WDR11: variants seen among roughly 807,000 people sequenced by gnomAD.
WDR11 encodes WD repeat-containing protein 11.
Under a neutral mutation model 151.2 loss-of-function variants are expected in WDR11, and 83 were observed. That is an observed-to-expected ratio of 0.55 (90% CI 0.46 to 0.66). The LOEUF (loss-of-function observed/expected upper bound fraction) is 0.66. Ranked by LOEUF, WDR11 falls within the 30% of genes least tolerant of loss-of-function variation. The pLI is 0.00. For missense variants in WDR11, 1,301 were observed against 1,480.9 expected, an observed-to-expected ratio of 0.88 and a Z score of 1.99; for synonymous variants, 484 against 533.1, an observed-to-expected ratio of 0.91 and a Z score of 1.27.
At chr10:120,868,682 G>C (rs942635584) in intron 9 of WDR11, 1 of 152,166 alleles carries the variant, frequency 6.6e-6, no homozygotes, top group Non-Finnish European at 1.5e-5. Flanking sequence ...AAGAGCCCAA[G>C]TGTGACCCGG....
At chr10:120,862,706 T>A in intron 4 of WDR11, 29 bp from the exon 5 acceptor site, 1 of 1,610,606 alleles carries the variant, frequency 6.2e-7, no homozygotes, top group Non-Finnish European at 8.5e-7. Context: ...CATTAAACTT[T>A]AATCAGAGTT....
intron 2 of WDR11, among the ~76,000 whole-genome samples, chr10:120,855,859 A>G (rs1336149663): frequency 6.6e-6 from 1 of 152,076 alleles, no homozygotes; most frequent in Non-Finnish European, 1.5e-5. Context: ...TTTTCTTGCC[A>G]TGTTGCATTG....
rs748444886 is a variant in WDR11, at chr10:120,905,891, G to C, written c.3307G>C (p.Glu1103Gln). The C allele has an allele frequency of 1.9e-6, 3 of 1,614,142 alleles. No individual in the cohort carries two copies. Among genetic ancestry groups the C allele is most frequent in the Non-Finnish European group, 2.5e-6 (3 of 1,180,012 alleles). ...AWLAKVRLNP[E>Q]ECADVLRRWV... is the part of the protein sequence containing the mutation. ...TCTTTCTCAGGTCCGTTTGAATCCT[G>C]AGGAGTGTGCCGATGTTTTAAGGCG... The change falls in exon 27 of 29, where the codon GAG becomes CAG. Residue 1103 changes from glutamate to glutamine, a missense_variant. Physicochemically the swap from Glu to Gln is conservative, Grantham distance 29. Around this residue, in one of 3 missense-constraint regions of WDR11, gnomAD observed 589 missense variants for 670.6 expected, o/e 0.88. Transcript: ENST00000263461.
In WDR11 at chr10:120,895,953, A is replaced by G. The variant is rs142467960; in HGVS notation, c.2516-4076A>G. Among the ~76,000 whole-genome samples, 166 of 152,262 alleles carry G rather than the reference A, an allele frequency of 1.1e-3. 1 individual carries two copies. The highest frequency in any genetic ancestry group is 3.7e-3 in the African/African-American group (153 of 41,548). On this transcript the variant is annotated intron_variant, in intron 19 of 28. Coordinates refer to ENST00000263461, the MANE Select transcript of WDR11 (RefSeq NM_018117.12). ...TGCACATTTACCTTTTTACCCAGCAATCCCAGCGCTAAGAATTTATCTTAA... is the reference window on the plus strand; with the variant it reads ...TGCACATTTACCTTTTTACCCAGCAGTCCCAGCGCTAAGAATTTATCTTAA...
At chr10:120,867,583 GTTTTCT>G (rs930189511) in intron 9 of WDR11, among the ~76,000 whole-genome samples, 6 of 152,116 alleles carry the variant, frequency 3.9e-5, no homozygotes, top group Admixed American at 6.5e-5. Context: ...CTCAGATGTT[GTTTTCT>G]TTAATCTCCC....
chr10:120,885,933 G>T lies in WDR11; in HGVS notation c.1968G>T (p.Val656=). 1 of 1,613,426 alleles carries T rather than the reference G, an allele frequency of 6.2e-7. No homozygotes were observed. Among genetic ancestry groups the T allele is most frequent in the East Asian group, 2.2e-5 (1 of 44,862 alleles). Residue 656 remains valine, a synonymous_variant, in exon 15 of 29, where the codon GTG becomes GTT. Coordinates refer to ENST00000263461, the MANE Select transcript of WDR11 (RefSeq NM_018117.12). ...AGCTGAGTATTGTTGAATCATCTGT[G>T]ATCAGGTACAGTACAGTGTTTCTTG... The part of the protein sequence containing the change: ...DTELSIVESS[V]ISLLQEAESK...
chr10:120,905,692 C>A, intron 26 of WDR11, 184 bp from the exon 27 acceptor site: 2 of 1,101,878 alleles, frequency 1.8e-6, no homozygotes, highest in Non-Finnish European at 2.6e-6. Context: ...TATAGCCAGG[C>A]CCTGGGTCCC....
rs140142335 is a variant in WDR11 at position 120,890,865 on chromosome 10, A to G, written c.2493A>G (p.Arg831=). The part of the protein sequence containing the change: ...LEMSMKSACF[R]MDEQELTEPV... ...TGTCTATGAAGTCTGCGTGCTTTAG[A>G]ATGGATGAACAAGAGTTAACCGGTA... The change falls in exon 19 of 29, where the codon AGA becomes AGG. Residue 831 remains arginine (R), a synonymous_variant. Coordinates refer to ENST00000263461, the MANE Select transcript of WDR11 (RefSeq NM_018117.12). The G allele has an allele frequency of 3.0e-5, 48 of 1,614,168 alleles. No individual in the cohort carries two copies. In the Admixed American group the frequency reaches 6.2e-4, roughly 21 times the overall value.
Position 120,890,864 on chromosome 10 carries a change from G to C in WDR11, c.2492G>C (p.Arg831Thr). 6.2e-7 allele frequency: 1 copy of C among 1,614,184 alleles called. No homozygotes were observed. Among genetic ancestry groups the C allele is most frequent in the Non-Finnish European group, 8.5e-7 (1 of 1,180,036 alleles). ...ATGTCTATGAAGTCTGCGTGCTTTA[G>C]AATGGATGAACAAGAGTTAACCGGT... ...LEMSMKSACF[R>T]MDEQELTEPV... Residue 831 changes from arginine to threonine, a missense_variant, in exon 19 of 29, where the codon AGA becomes ACA. Coordinates refer to ENST00000263461, the MANE Select transcript of WDR11 (RefSeq NM_018117.12).
chr10:120,902,450 A>G, intron 22 of WDR11, 128 bp downstream of exon 22: 2 of 817,218 alleles, frequency 2.4e-6, no homozygotes, highest in East Asian at 2.7e-5. Flanking sequence ...GATTTAACTT[A>G]AAATAATTTT....
intron 1 of WDR11, 34 bp downstream of exon 1, chr10:120,851,540 G>C (rs755678848): frequency 1.9e-6 from 3 of 1,597,744 alleles, no homozygotes; most frequent in East Asian, 4.5e-5. Context: ...CGCCAGGATC[G>C]GCCAGGAATG....
chr10:120,889,445 T>G, intron 17 of WDR11: 1 of 424,632 alleles, frequency 2.4e-6, no homozygotes, highest in Non-Finnish European at 4.4e-6. Context: ...TTTCACCATG[T>G]TAGCCAGGAT....
chr10:120,908,561 C>CTCA lies in WDR11; in HGVS notation c.3527_3529dup (p.Ile1176dup). 1 of 1,614,214 alleles carries CTCA rather than the reference C, an allele frequency of 6.2e-7. No individual in the cohort carries two copies. The highest frequency in any genetic ancestry group is 8.5e-7 in the Non-Finnish European group (1 of 1,180,026). On this transcript the variant is annotated inframe_insertion, in exon 29 of 29. Coordinates refer to ENST00000263461, the MANE Select transcript of WDR11 (RefSeq NM_018117.12). ...TTTCCTTAACTATGGTTTACAGAAACTCATCACTGCTATATATGCAGATTA... is the reference window on the plus strand; with the variant it reads ...TTTCCTTAACTATGGTTTACAGAAACTCATCATCACTGCTATATATGCAGATTA...
intron 13 of WDR11, among the ~76,000 whole-genome samples, chr10:120,881,963 A>T (rs1336548958): frequency 6.6e-6 from 1 of 152,106 alleles, no homozygotes; most frequent in East Asian, 1.9e-4. Flanking sequence ...GTCTTTCAAC[A>T]TTAAGTATGA....
chr10:120,872,423 G>A (rs1402893542), intron 10 of WDR11, among the ~76,000 whole-genome samples: 5 of 152,100 alleles, frequency 3.3e-5, no homozygotes, highest in Non-Finnish European at 5.9e-5. Flanking sequence ...TGTCAGTTAG[G>A]ATTTTGTCAA....
intron 2 of WDR11, among the ~76,000 whole-genome samples, chr10:120,858,327 T>C (rs1846021946): frequency 6.6e-6 from 1 of 152,182 alleles, no homozygotes; most frequent in African/African-American, 2.4e-5. Context: ...TGTCATAAAT[T>C]AGATCTTAGG....
At chr10:120,894,010 T>G (rs1847516881) in intron 19 of WDR11, among the ~76,000 whole-genome samples, 1 of 151,946 alleles carries the variant, frequency 6.6e-6, no homozygotes, top group Admixed American at 6.6e-5. Context: ...GCAGAAGCTC[T>G]TTAGTTTAAT....
At chr10:120,905,523 C>CTT in intron 26 of WDR11, 107 bp downstream of exon 26, 1 of 1,147,390 alleles carries the variant, frequency 8.7e-7, no homozygotes, top group South Asian at 1.3e-5. Context: ...TGCAAAGCTG[C>CTT]TTTGCAAATA....
At chr10:120,855,846 T>C (rs1297129450) in intron 2 of WDR11, among the ~76,000 whole-genome samples, 1 of 152,218 alleles carries the variant, frequency 6.6e-6, no homozygotes, top group Non-Finnish European at 1.5e-5. Context: ...GTGTGTCTTC[T>C]ATTTTTCTTG....
Sources: gnomAD v4.1 joint callset for allele counts (sites outside exome capture counted in the v4.1 genomes callset) on GRCh38, gnomAD v4.1.1 for gene constraint, gnomAD v4.1.1 regional missense constraint, MANE v1.5 for transcripts, NCBI Gene and HGNC (gene_info 2026-07-23, HGNC 2026-07-21) for gene names.